DOCK10: variants seen among roughly 807,000 people sequenced by gnomAD.
DOCK10 encodes the protein dedicator of cytokinesis protein 10.
Under a neutral mutation model 280.1 loss-of-function variants are expected in DOCK10, and 145 were observed. That is an observed-to-expected ratio of 0.52 (90% confidence interval 0.45 to 0.59). The LOEUF is 0.59. Among genes scored for constraint, DOCK10 ranks in the 20% least tolerant of loss-of-function variants. The pLI, the probability that DOCK10 is intolerant of heterozygous loss-of-function variation, is 0.00. For missense variants in DOCK10, 2,368 were observed against 2,651.7 expected (o/e 0.89, Z 2.35); for synonymous variants, 915 against 942.2 (o/e 0.97, Z 0.53).
intron 48 of DOCK10, among the ~76,000 whole-genome samples, chr2:224,788,402 AGTT>A (rs1187982768): frequency 2.6e-5 from 4 of 152,232 alleles, no homozygotes; most frequent in African/African-American, 9.6e-5. Context: ...TATTTAAAGT[AGTT>A]AACATAAATA....
At chr2:224,855,550 C>T (rs1002821061) in intron 15 of DOCK10, among the ~76,000 whole-genome samples, 1 of 152,168 alleles carries the variant, frequency 6.6e-6, no homozygotes, top group East Asian at 1.9e-4. Context: ...TTCTTCTGCT[C>T]TCTCCCACTC....
chr2:224,985,911 T>A (rs1705962078), intron 1 of DOCK10, among the ~76,000 whole-genome samples: 1 of 152,254 alleles, frequency 6.6e-6, no homozygotes, highest in South Asian at 2.1e-4. Flanking sequence ...ACATTTAATT[T>A]AAATAAATAA....
rs371865242 is a variant in DOCK10, at chr2:224,797,164, C to T, written c.4645-18G>A. The T allele has an allele frequency of 3.9e-5, 62 of 1,585,970 alleles. No homozygotes were observed. The highest frequency in any genetic ancestry group is 1.7e-4 in the Middle Eastern group (1 of 5,930). ...GAAGGAAACTGCAGAAATGGAAGAA[C>T]GGGTGAAGGGAGCAACATGCCTTCA... On this transcript the variant is annotated intron_variant, in intron 42 of 55. Coordinates refer to ENST00000258390, the MANE Select transcript of DOCK10 (RefSeq NM_014689.3).
At chr2:224,852,353 G>C (rs1421018621) in intron 18 of DOCK10, 24 bp downstream of exon 18, 6 of 1,554,006 alleles carry the variant, frequency 3.9e-6, no homozygotes, top group East Asian at 2.4e-5. Context: ...CTTTATGCTG[G>C]GTCCCTTTGC....
intron 2 of DOCK10, among the ~76,000 whole-genome samples, chr2:224,921,135 A>AT (rs1701716811): frequency 1.4e-4 from 16 of 117,024 alleles, no homozygotes; most frequent in African/African-American, 2.7e-4. Flanking sequence ...ATATATATAT[A>AT]ATGTATATAC....
intron 3 of DOCK10, among the ~76,000 whole-genome samples, chr2:224,907,083 A>T (rs1490331991): frequency 6.6e-6 from 1 of 152,234 alleles, no homozygotes; most frequent in Admixed American, 6.5e-5. Context: ...CTGAATTGCA[A>T]TTAGCAGAGT....
intron 7 of DOCK10, among the ~76,000 whole-genome samples, chr2:224,885,238 G>C (rs77083160): frequency 0.059 from 8,968 of 152,252 alleles, 305 homozygotes; most frequent in South Asian, 0.085. Context: ...GACCTCAAGT[G>C]ATCCACCCGC....
At chr2:224,775,150 T>C in intron 51 of DOCK10, 35 bp from the exon 52 acceptor site, 1 of 1,591,476 alleles carries the variant, frequency 6.3e-7, no homozygotes, top group Non-Finnish European at 8.6e-7. Flanking sequence ...GTGAGTGGTG[T>C]GCCCTGGAGC....
intron 4 of DOCK10, among the ~76,000 whole-genome samples, chr2:224,887,726 T>G (rs2125770875): frequency 6.6e-6 from 1 of 152,306 alleles, no homozygotes; most frequent in Non-Finnish European, 1.5e-5. Context: ...TACATGTAGA[T>G]AGTAAAATGG....
At chr2:224,856,183 C>G (rs889355882) in intron 15 of DOCK10, among the ~76,000 whole-genome samples, 7 of 152,196 alleles carry the variant, frequency 4.6e-5, no homozygotes, top group African/African-American at 1.7e-4. Context: ...AAGTGTGAGG[C>G]TGACATGAAT....
chr2:225,026,713 G>T (rs1283662130), intron 1 of DOCK10, among the ~76,000 whole-genome samples: 2 of 152,120 alleles, frequency 1.3e-5, no homozygotes, highest in Non-Finnish European at 2.9e-5. Flanking sequence ...GATATCAATG[G>T]GCAGAGCTCA....
At chr2:224,848,167 G>A (rs924585741) in intron 19 of DOCK10, among the ~76,000 whole-genome samples, 17 of 152,188 alleles carry the variant, frequency 1.1e-4, no homozygotes, top group African/African-American at 3.6e-4. Flanking sequence ...CCTGCTGCAA[G>A]CTCGATTTTA....
At chr2:225,028,520 T>C (rs1339770627) in intron 1 of DOCK10, among the ~76,000 whole-genome samples, 1 of 152,172 alleles carries the variant, frequency 6.6e-6, no homozygotes, top group Admixed American at 6.5e-5. Flanking sequence ...ACTTCTCACC[T>C]ACACTACGGT....
chr2:224,883,207 T>C (rs1015416325), intron 7 of DOCK10, among the ~76,000 whole-genome samples: 2 of 152,206 alleles, frequency 1.3e-5, no homozygotes, highest in Non-Finnish European at 2.9e-5. Flanking sequence ...TCTCTGCCAT[T>C]CATACCTCCA....
chr2:224,847,659 T>C (rs1017488995), intron 19 of DOCK10, among the ~76,000 whole-genome samples: 1 of 152,194 alleles, frequency 6.6e-6, no homozygotes, highest in Non-Finnish European at 1.5e-5. Flanking sequence ...GTAAATATTG[T>C]GTAATGTGGT....
intron 27 of DOCK10, among the ~76,000 whole-genome samples, chr2:224,829,526 G>A (rs1458939725): frequency 6.6e-6 from 1 of 152,184 alleles, no homozygotes; most frequent in East Asian, 1.9e-4. Context: ...CAGGGGCAAT[G>A]CCAGAGGTCT....
At chr2:224,787,522 A>G (rs1323084236) in intron 48 of DOCK10, 125 bp from the exon 49 acceptor site, 1 of 1,208,480 alleles carries the variant, frequency 8.3e-7, no homozygotes, top group Non-Finnish European at 1.2e-6. Flanking sequence ...AAAACCCAGC[A>G]GGGGATCGTG....
intron 1 of DOCK10, among the ~76,000 whole-genome samples, chr2:224,974,819 A>ATATT (rs1553626514): frequency 7.6e-6 from 1 of 132,348 alleles, no homozygotes; most frequent in Non-Finnish European, 1.6e-5. Context: ...TTATATATAT[A>ATATT]ATATATATAT....
chr2:224,944,736 T>C (rs1462896021), intron 1 of DOCK10, among the ~76,000 whole-genome samples: 1 of 152,164 alleles, frequency 6.6e-6, no homozygotes, highest in Non-Finnish European at 1.5e-5. Flanking sequence ...GGATAATACT[T>C]AAGGATGGAT....
Sources: gnomAD v4.1 joint callset for allele counts (sites outside exome capture counted in the v4.1 genomes callset) on GRCh38, gnomAD v4.1.1 for gene constraint, MANE v1.5 for transcripts, NCBI Gene and HGNC (gene_info 2026-07-23, HGNC 2026-07-21) for gene names.